Variants in ZNF880 observed in about 807,000 individuals in gnomAD.
ZNF880 encodes zinc finger protein LOC400713.
ZNF880 carries 12 observed loss-of-function variants against 11.8 expected under a neutral mutation model. The ratio of observed to expected loss-of-function variants is 1.02; its 90% CI spans 0.65 to 1.65. The LOEUF (loss-of-function observed/expected upper bound fraction) is 1.65. ZNF880 is among the 40% of genes most tolerant of loss of function. ZNF880 has a pLI of 0.00. For missense variants in ZNF880, 601 were observed against 673.9 expected (o/e 0.89, Z 1.20); for synonymous variants, 210 against 232.4 (o/e 0.90, Z 0.88).
the ZNF880 span, among the ~76,000 whole-genome samples, chr19:52,392,285 C>T: frequency 0.49 from 73,517 of 151,438 alleles, 18,396 homozygotes; most frequent in African/African-American, 0.58. Context: ...CTCTTTCCTT[C>T]CTCCCTTTCT....
chr19:52,384,083 C>G lies in ZNF880; in HGVS notation c.503C>G (p.Ser168Cys). 4.4e-6 allele frequency: 7 copies of G among 1,585,114 alleles called. No individual in the cohort carries two copies. Among genetic ancestry groups the G allele is most frequent in the Non-Finnish European group, 6.0e-6 (7 of 1,164,878 alleles). ...AAATACAGAAATGATTTTGATGATT[C>G]TCCATTTCTCCCACAAGAACAAAAA... ...LNKYRNDFDD[S>C]PFLPQEQKAQ... The change falls in exon 4 of 4, where the codon TCT becomes TGT. Residue 168 changes from serine (S) to cysteine (C), a missense_variant. Physicochemically the swap from Ser to Cys is moderately radical, Grantham distance 112 (BLOSUM62 -1). Around this residue, in one of 3 missense-constraint regions of ZNF880, gnomAD observed 420 missense variants for 442.6 expected, o/e 0.95. Transcript: ENST00000422689.
intron 2 of ZNF880, among the ~76,000 whole-genome samples, chr19:52,373,727 G>A (rs1024472885): frequency 2.8e-5 from 4 of 143,284 alleles, no homozygotes; most frequent in Non-Finnish European, 6.0e-5. Context: ...AGGCTGGAGT[G>A]CAGTGGCAGG....
rs1028869819 is a variant in ZNF880 at position 52,369,975 on chromosome 19, C to T, written c.10C>T (p.Arg4Cys). 1.3e-6 allele frequency: 2 copies of T among 1,551,670 alleles called. No individual in the cohort carries two copies. The highest frequency in any genetic ancestry group is 1.2e-5 in the South Asian group (1 of 84,060). Residue 4 changes from arginine to cysteine, a missense_variant and splice_region_variant, in exon 1 of 4, where the codon CGT (arginine) becomes TGT (cysteine). Transcript: ENST00000422689. ...ACGTGGAGTGACGGTCATGCTGCGG[C>T]GTGTGAGTTTCCCTTTGTTTAGATT... MLRRGHLAFRDVAI... is the reference protein window; with the variant it reads MLRCGHLAFRDVAI...
Position 52,384,385 on chromosome 19 carries a change from A to G in ZNF880, c.805A>G (p.Lys269Glu). 2 of 1,613,810 alleles carry G rather than the reference A, an allele frequency of 1.2e-6. No individual in the cohort carries two copies. Among genetic ancestry groups the G allele is most frequent in the Non-Finnish European group, 1.7e-6 (2 of 1,179,814 alleles). ...QRIHTGEKPY[K>E]CHECGKVFTQ... ...AATACATACTGGAGAGAAACCTTACAAATGTCATGAGTGTGGCAAAGTCTT... is the reference window on the plus strand; with the variant it reads ...AATACATACTGGAGAGAAACCTTACGAATGTCATGAGTGTGGCAAAGTCTT... The change falls in exon 4 of 4, where the codon AAA becomes GAA. Residue 269 changes from lysine (K) to glutamate (E), a missense_variant. Physicochemically the swap from Lys to Glu is moderately conservative, Grantham distance 56. Coordinates refer to ENST00000422689, the MANE Select transcript of ZNF880 (RefSeq NM_001145434.2).
the ZNF880 span, chr19:52,395,815 C>T: frequency 6.6e-6 from 1 of 152,192 alleles, no homozygotes; most frequent in South Asian, 2.1e-4. Flanking sequence ...TCTCACCGGT[C>T]CCTTCCTCTC....
At chr19:52,375,745 T>G (rs764016157) in intron 3 of ZNF880, among the ~76,000 whole-genome samples, 1 of 152,098 alleles carries the variant, frequency 6.6e-6, no homozygotes, top group Non-Finnish European at 1.5e-5. Flanking sequence ...CATACAATGT[T>G]TGGTTTTCCC....
the ZNF880 span, among the ~76,000 whole-genome samples, chr19:52,391,922 G>C: frequency 1.3e-5 from 2 of 152,186 alleles, no homozygotes; most frequent in Non-Finnish European, 2.9e-5. Context: ...AACACAGAAT[G>C]CCTCATCTCC....
At chr19:52,380,292 T>G (rs550953779) in intron 3 of ZNF880, among the ~76,000 whole-genome samples, 9 of 139,418 alleles carry the variant, frequency 6.5e-5, no homozygotes, top group African/African-American at 2.3e-4. Context: ...CTGTTTTTTT[T>G]GTCTTTTGGG....
chr19:52,379,085 TAAG>T (rs1008922537), intron 3 of ZNF880, among the ~76,000 whole-genome samples: 6 of 145,636 alleles, frequency 4.1e-5, no homozygotes, highest in African/African-American at 7.5e-5. Flanking sequence ...GAAAAAAAAA[TAAG>T]AAGAAAATAA....
At chr19:52,373,047 G>C in intron 1 of ZNF880, 64 bp from the exon 2 acceptor site, 1 of 1,565,554 alleles carries the variant, frequency 6.4e-7, no homozygotes, top group Non-Finnish European at 8.8e-7. Flanking sequence ...AATCAAGTCA[G>C]TCCTTACAAC....
intron 3 of ZNF880, chr19:52,374,725 T>A (rs74661213): frequency 1.7e-6 from 1 of 595,868 alleles, no homozygotes; most frequent in Non-Finnish European, 3.0e-6. Context: ...TGAGTTCTGA[T>A]TGAAGTTTGT....
chr19:52,382,825 A>C (rs534275180), intron 3 of ZNF880, among the ~76,000 whole-genome samples: 4 of 152,140 alleles, frequency 2.6e-5, no homozygotes, highest in African/African-American at 4.8e-5. Flanking sequence ...TTGTATATTT[A>C]TTTCTTTCCT....
chr19:52,384,637 A>C lies in ZNF880; in HGVS notation c.1057A>C (p.Lys353Gln), dbSNP rs1568665333. The C allele has an allele frequency of 6.2e-7, 1 of 1,611,996 alleles. No individual in the cohort carries two copies. Among genetic ancestry groups the C allele is most frequent in the Non-Finnish European group, 8.5e-7 (1 of 1,178,926 alleles). The change falls in exon 4 of 4, where the codon AAA becomes CAA. Residue 353 changes from lysine (K) to glutamine (Q), a missense_variant. Lys to Gln is a moderately conservative substitution (Grantham distance 53). Transcript: ENST00000422689. ...LVIHTGEKLY[K>Q]CNKCGKVFNR... ...AATTCACACTGGAGAGAAACTTTAC[A>C]AATGTAATAAATGTGGCAAGGTCTT...
intron 1 of ZNF880, 85 bp downstream of exon 1, chr19:52,370,062 C>T: frequency 6.7e-7 from 1 of 1,496,008 alleles, no homozygotes; most frequent in Non-Finnish European, 9.1e-7. Context: ...TCACACAGAC[C>T]TTGAAATCCC....
At chr19:52,376,689 T>C (rs1189316170) in intron 3 of ZNF880, among the ~76,000 whole-genome samples, 1 of 151,914 alleles carries the variant, frequency 6.6e-6, no homozygotes, top group African/African-American at 2.4e-5. Flanking sequence ...TTTGTATTTT[T>C]AGTAGAGACG....
downstream of ZNF880, chr19:52,390,421 C>A: frequency 2.9e-6 from 1 of 346,102 alleles, no homozygotes; most frequent in Non-Finnish European, 5.9e-6. Flanking sequence ...CCTCCTTGAT[C>A]GGGGGCCCTT....
Position 52,373,250 on chromosome 19 carries a change from T to C in ZNF880, c.139+13T>C. The C allele has an allele frequency of 6.2e-7, 1 of 1,607,462 alleles. No homozygotes were observed. The highest frequency in any genetic ancestry group is 8.5e-7 in the Non-Finnish European group (1 of 1,176,702). On this transcript the variant is annotated intron_variant, in intron 2 of 3. Transcript: ENST00000422689. ...CTGGTCTTTCTGGGTGAGGATAATG[T>C]CCCTTCAGAAGTCAAGATCTGCCCT...
chr19:52,392,723 GGA>G, the ZNF880 span: 1 of 227,186 alleles, frequency 4.4e-6, no homozygotes, highest in East Asian at 1.1e-4. Flanking sequence ...CCTGGACTCT[GGA>G]GAGTGAAGGG....
At chr19:52,369,906 C>T (rs1216330965), upstream of ZNF880, 6 of 1,551,148 alleles carry the variant, frequency 3.9e-6, no homozygotes, top group East Asian at 2.4e-5. Flanking sequence ...CTCGCCTCGC[C>T]TCTCAGCTGC....
Sources: allele counts gnomAD v4.1 joint callset (sites outside exome capture counted in the v4.1 genomes callset), GRCh38; gene constraint gnomAD v4.1.1; regional missense constraint gnomAD v4.1.1; transcripts MANE v1.5; gene names NCBI Gene and HGNC (gene_info 2026-07-23, HGNC 2026-07-21).